Variants in PRKG1 observed in about 807,000 individuals in gnomAD.
The protein encoded by PRKG1 is cGMP-dependent protein kinase 1.
In PRKG1, 35 loss-of-function variants were observed where a neutral mutation model predicts 88.1. The observed-to-expected ratio is 0.40, with a 90% confidence interval of 0.30 to 0.53. The LOEUF (loss-of-function observed/expected upper bound fraction) is 0.53, where lower values mean the gene tolerates loss of function less well. Among genes scored for constraint, PRKG1 ranks in the 20% least tolerant of loss-of-function variants. PRKG1 has a pLI of 0.59. For synonymous variants in PRKG1, 303 were observed against 292.5 expected (o/e 1.04, Z -0.37); for missense variants, 540 against 839.8 (o/e 0.64, Z 4.41).
intron 5 of PRKG1, among the ~76,000 whole-genome samples, chr10:52,039,876 G>A (rs1222963723): frequency 1.3e-5 from 2 of 152,148 alleles, no homozygotes; most frequent in African/African-American, 4.8e-5. Flanking sequence ...CACTGCTTCT[G>A]AGGAGTTATA....
At chr10:51,027,469 G>GTTA (rs1200560447) in intron 1 of PRKG1, among the ~76,000 whole-genome samples, 1 of 152,080 alleles carries the variant, frequency 6.6e-6, no homozygotes, top group Non-Finnish European at 1.5e-5. Flanking sequence ...CTTATTCTTT[G>GTTA]TTATGCCCCT....
chr10:52,288,780 GA>G lies in PRKG1; in HGVS notation c.1765del (p.Ile589LeufsTer3). The G allele has an allele frequency of 6.2e-7, 1 of 1,605,848 alleles. No homozygotes were observed. Among genetic ancestry groups the G allele is most frequent in the Non-Finnish European group, 8.5e-7 (1 of 1,176,836 alleles). On this transcript the variant is annotated frameshift_variant, in exon 15 of 18. Coordinates refer to ENST00000373980, the MANE Select transcript of PRKG1 (RefSeq NM_006258.4). LOFTEE classifies it high-confidence loss of function. ...AAACCTATAACATCATATTGAGGGG[GA>G]TTGACATGATAGAATTTCCAAAGAA... is the stretch of plus-strand genomic sequence containing the variant. The part of the protein sequence containing the change: ...MKTYNIILRG[I>X]DMIEFPKKIA...
chr10:51,792,139 T>G (rs1349165075), intron 3 of PRKG1, among the ~76,000 whole-genome samples: 1 of 152,084 alleles, frequency 6.6e-6, no homozygotes, highest in African/African-American at 2.4e-5. Context: ...TAATTGTGTT[T>G]CTTTGTAAAC....
intron 8 of PRKG1, among the ~76,000 whole-genome samples, chr10:52,147,074 T>A (rs1326164227): frequency 6.6e-6 from 1 of 152,208 alleles, no homozygotes; most frequent in Admixed American, 6.5e-5. Context: ...CTTTAGTGAT[T>A]GCTTCTTTGT....
intron 3 of PRKG1, among the ~76,000 whole-genome samples, chr10:51,512,444 G>A (rs1589033699): frequency 1.4e-5 from 2 of 139,664 alleles, no homozygotes; most frequent in Admixed American, 1.5e-4. Context: ...AATATGCGGT[G>A]TTTGGTTTTT....
intron 3 of PRKG1, among the ~76,000 whole-genome samples, chr10:51,506,163 A>G (rs183916375): frequency 0.013 from 1,925 of 152,338 alleles, 23 homozygotes; most frequent in Non-Finnish European, 0.022. Context: ...TTCAAGATGG[A>G]TTAAAGACTT....
chr10:51,168,362 T>G (rs773595848), intron 2 of PRKG1, among the ~76,000 whole-genome samples: 27 of 152,166 alleles, frequency 1.8e-4, no homozygotes, highest in Non-Finnish European at 3.1e-4. Context: ...TGTAAAACAA[T>G]GGCATGCTTT....
chr10:51,967,181 C>T (rs1437690205), intron 5 of PRKG1, among the ~76,000 whole-genome samples: 3 of 152,102 alleles, frequency 2.0e-5, no homozygotes, highest in Non-Finnish European at 4.4e-5. Context: ...TAATGATAGA[C>T]TGGATTAAGA....
intron 3 of PRKG1, among the ~76,000 whole-genome samples, chr10:51,487,982 C>A (rs562770611): frequency 7.9e-5 from 12 of 152,278 alleles, no homozygotes; most frequent in Admixed American, 7.9e-4. Flanking sequence ...AATTCTACCA[C>A]CATTTATTGA....
chr10:51,141,611 G>A (rs1351607309), intron 1 of PRKG1, among the ~76,000 whole-genome samples: 1 of 152,152 alleles, frequency 6.6e-6, no homozygotes, highest in Non-Finnish European at 1.5e-5. Context: ...ACTACTGAAA[G>A]GGACAAAGTT....
chr10:51,746,410 C>T (rs1400298923), intron 3 of PRKG1, among the ~76,000 whole-genome samples: 1 of 152,010 alleles, frequency 6.6e-6, no homozygotes, highest in East Asian at 1.9e-4. Context: ...CAAGCTCTCC[C>T]TATACTCCCT....
rs186318689 is a variant in PRKG1 at position 51,293,258 on chromosome 10, C to A, written c.478+139928C>A. 8.3e-3 allele frequency among the ~76,000 whole-genome samples: 1,255 copies of A among 152,120 alleles called. 11 individuals carry two copies. Among genetic ancestry groups the A allele is most frequent in the Middle Eastern group, 0.024 (7 of 292 alleles). ...ACACTCTTAACATATATCAAGTACACAATACATTATTGTTAATTAAAGCAC... is the reference window on the plus strand; with the variant it reads ...ACACTCTTAACATATATCAAGTACAAAATACATTATTGTTAATTAAAGCAC... On this transcript the variant is annotated intron_variant, in intron 2 of 17. Transcript: ENST00000373980.
At chr10:51,639,497 A>G (rs1232315853) in intron 3 of PRKG1, among the ~76,000 whole-genome samples, 7 of 148,352 alleles carry the variant, frequency 4.7e-5, no homozygotes, top group Non-Finnish European at 1.0e-4. Context: ...ATTAAAAAAA[A>G]GACTGGAGTG....
At chr10:51,125,384 A>G (rs1845369935) in intron 1 of PRKG1, among the ~76,000 whole-genome samples, 1 of 150,802 alleles carries the variant, frequency 6.6e-6, no homozygotes. Context: ...AGTATAAATT[A>G]TATAAATTTA....
chr10:51,844,304 G>C (rs964617953), intron 4 of PRKG1, among the ~76,000 whole-genome samples: 2 of 151,966 alleles, frequency 1.3e-5, no homozygotes, highest in Non-Finnish European at 2.9e-5. Flanking sequence ...TGTGAATAAC[G>C]TGTTCATCTT....
chr10:52,228,925 G>A (rs1003307113), intron 9 of PRKG1, among the ~76,000 whole-genome samples: 3 of 152,178 alleles, frequency 2.0e-5, no homozygotes, highest in African/African-American at 7.2e-5. Context: ...GTTCGTCTCA[G>A]AAACATTAGC....
intron 7 of PRKG1, among the ~76,000 whole-genome samples, 180 bp from the exon 8 acceptor site, chr10:52,133,660 A>G (rs1350987385): frequency 6.6e-6 from 1 of 152,148 alleles, no homozygotes; most frequent in African/African-American, 2.4e-5. Flanking sequence ...TTGTATGATT[A>G]ATGACAAGGG....
chr10:51,254,907 A>G (rs1460926795), intron 2 of PRKG1, among the ~76,000 whole-genome samples: 1 of 152,030 alleles, frequency 6.6e-6, no homozygotes, highest in Non-Finnish European at 1.5e-5. Context: ...GTTCCCTTTG[A>G]TGAACTGAAG....
At chr10:51,016,856 A>G (rs1279158500) in intron 1 of PRKG1, among the ~76,000 whole-genome samples, 3 of 150,454 alleles carry the variant, frequency 2.0e-5, no homozygotes, top group Non-Finnish European at 4.4e-5. Context: ...TTTAGTAGAG[A>G]TGAGATTTTA....
Sources: gnomAD v4.1 joint callset for allele counts (sites outside exome capture counted in the v4.1 genomes callset) on GRCh38, gnomAD v4.1.1 for gene constraint, MANE v1.5 for transcripts, NCBI Gene and HGNC (gene_info 2026-07-23, HGNC 2026-07-21) for gene names.